NUMB: variants seen among roughly 807,000 people sequenced by gnomAD.
The protein encoded by NUMB is NUMB endocytic adaptor protein.
Under a neutral mutation model 59.7 loss-of-function variants are expected in NUMB, and 29 were observed. That is an observed-to-expected ratio of 0.49 (90% CI 0.36 to 0.66). NUMB has a LOEUF of 0.66. Ranked by LOEUF, NUMB falls within the 30% of genes least tolerant of loss-of-function variation. The pLI is 0.00. For missense variants in NUMB, 723 were observed against 822.0 expected (o/e 0.88, Z 1.47); for synonymous variants, 288 against 288.2 (o/e 1.00, Z 0.01).
At chr14:73,326,535 G>C (rs1891672151) in intron 4 of NUMB, among the ~76,000 whole-genome samples, 1 of 152,030 alleles carries the variant, frequency 6.6e-6, no homozygotes, top group South Asian at 2.1e-4. Flanking sequence ...GCTGAGGCAG[G>C]AGAATTGCTT....
chr14:73,386,864 CTTATTTTTTTTTTT>C (rs1458632468), intron 2 of NUMB, among the ~76,000 whole-genome samples: 9 of 73,818 alleles, frequency 1.2e-4, no homozygotes, highest in African/African-American at 4.4e-4. Context: ...TATCAGGTGT[CTTATTTTTTTTTTT>C]TTTTTTTTTT....
intron 2 of NUMB, among the ~76,000 whole-genome samples, chr14:73,378,209 C>G: frequency 6.6e-6 from 1 of 152,176 alleles, no homozygotes; most frequent in Admixed American, 6.5e-5. Flanking sequence ...GATACCATTA[C>G]ACACCCACTA....
chr14:73,350,461 C>T (rs1893184348), intron 4 of NUMB, among the ~76,000 whole-genome samples: 3 of 151,980 alleles, frequency 2.0e-5, no homozygotes, highest in Admixed American at 6.5e-5. Flanking sequence ...GCATGAGCCA[C>T]TGTGCCCAGC....
intron 4 of NUMB, among the ~76,000 whole-genome samples, chr14:73,335,758 T>C (rs561427194): frequency 1.4e-4 from 21 of 152,340 alleles, no homozygotes; most frequent in Admixed American, 1.2e-3. Flanking sequence ...AGAGACTCTA[T>C]AGTCAGCAGT....
chr14:73,399,116 GAATA>G (rs141403369), intron 2 of NUMB, among the ~76,000 whole-genome samples: 11,101 of 152,118 alleles, frequency 0.073, 523 homozygotes, highest in Admixed American at 0.13. Context: ...GATCAAAAAA[GAATA>G]AATAGATTCA....
At chr14:73,350,876 C>T in intron 4 of NUMB, among the ~76,000 whole-genome samples, 1 of 152,166 alleles carries the variant, frequency 6.6e-6, no homozygotes. Flanking sequence ...TTCTCTTCAT[C>T]TTCACAGTCA....
intron 1 of NUMB, among the ~76,000 whole-genome samples, chr14:73,452,882 T>C (rs1383905397): frequency 6.6e-6 from 1 of 152,152 alleles, no homozygotes; most frequent in African/African-American, 2.4e-5. Flanking sequence ...GGAAGAGTAA[T>C]AACAAGCAGC....
At chr14:73,395,045 G>GTGTT (rs1355082098) in intron 2 of NUMB, among the ~76,000 whole-genome samples, 1 of 107,422 alleles carries the variant, frequency 9.3e-6, no homozygotes, top group Non-Finnish European at 1.8e-5. Flanking sequence ...GTTTGTGTGT[G>GTGTT]TGTGTGTGTG....
In NUMB at chr14:73,323,155, T is replaced by A; in HGVS notation, c.176A>T (p.Glu59Val). The change falls in exon 5 of 13, where the codon GAA becomes GTA. Residue 59 changes from glutamate (E) to valine (V), a missense_variant. Around this residue, in one of 2 missense-constraint regions of NUMB, gnomAD observed 317 missense variants for 436.6 expected, o/e 0.73. Transcript: ENST00000555238. ...AGCTTTCAATCTTTTTACAGCATCT[T>A]CACAGATGTGCATTCCTCTTGATTC... is the stretch of plus-strand genomic sequence containing the variant. ...VDESRGMHICEDAVKRLKAER... is the reference protein window; with the variant it reads ...VDESRGMHICVDAVKRLKAER... 6.2e-7 allele frequency: 1 copy of A among 1,613,576 alleles called. No homozygotes were observed. Among genetic ancestry groups the A allele is most frequent in the Non-Finnish European group, 8.5e-7 (1 of 1,179,594 alleles).
At position 73,277,093 on chromosome 14, in the gene NUMB, G is replaced by A. The variant is rs1247245133; in HGVS notation, c.1441C>T (p.Pro481Ser). The change falls in exon 13 of 13, where the codon CCT (proline) becomes TCT (serine). Residue 481 changes from proline to serine, a missense_variant. Physicochemically the swap from Pro to Ser is moderately conservative, Grantham distance 74 (BLOSUM62 -1). Around this residue, in one of 2 missense-constraint regions of NUMB, gnomAD observed 406 missense variants for 385.4 expected, o/e 1.05. Transcript: ENST00000555238. ...GTGAGGAATGCATTCCCTTGGAAAG[G>A]TGATGCTGGCTGGGAGATGGCAGTG... ...PPTAISQPAS[P>S]FQGNAFLTSQ... 3.1e-6 allele frequency: 5 copies of A among 1,614,144 alleles called. No homozygotes were observed. Among genetic ancestry groups the A allele is most frequent in the Non-Finnish European group, 4.2e-6 (5 of 1,180,032 alleles).
chr14:73,337,368 G>A (rs1471074794), intron 4 of NUMB, among the ~76,000 whole-genome samples: 1 of 152,132 alleles, frequency 6.6e-6, no homozygotes, highest in Non-Finnish European at 1.5e-5. Context: ...GGGAGTGGTG[G>A]TGCATGCCTG....
At chr14:73,326,951 G>A (rs1891694015) in intron 4 of NUMB, among the ~76,000 whole-genome samples, 1 of 152,042 alleles carries the variant, frequency 6.6e-6, no homozygotes, top group East Asian at 1.9e-4. Flanking sequence ...GAAGAATATG[G>A]TTTACATTCA....
intron 4 of NUMB, among the ~76,000 whole-genome samples, chr14:73,349,173 G>A (rs1893066707): frequency 1.3e-5 from 2 of 152,182 alleles, no homozygotes; most frequent in African/African-American, 2.4e-5. Flanking sequence ...AGGCACTCTG[G>A]CTCATGCCTG....
chr14:73,292,971 T>G, intron 7 of NUMB, 97 bp from the exon 8 acceptor site: 1 of 1,220,738 alleles, frequency 8.2e-7, no homozygotes. Flanking sequence ...AATCCATACA[T>G]CTGATACAAC....
At chr14:73,367,680 CAGA>C (rs1894436719) in intron 2 of NUMB, among the ~76,000 whole-genome samples, 1 of 146,892 alleles carries the variant, frequency 6.8e-6, no homozygotes, top group African/African-American at 2.5e-5. Context: ...GAGGCTGAGA[CAGA>C]AGGATAGGTT....
At chr14:73,311,447 T>C (rs1304982215) in intron 6 of NUMB, among the ~76,000 whole-genome samples, 1 of 152,182 alleles carries the variant, frequency 6.6e-6, no homozygotes, top group Non-Finnish European at 1.5e-5. Flanking sequence ...TTACAATGGA[T>C]TACAGGCCTG....
At chr14:73,347,738 T>A (rs1285310555) in intron 4 of NUMB, among the ~76,000 whole-genome samples, 2 of 152,202 alleles carry the variant, frequency 1.3e-5, no homozygotes, top group East Asian at 3.9e-4. Flanking sequence ...CTTTGGCAAT[T>A]CACTCTCACT....
intron 1 of NUMB, among the ~76,000 whole-genome samples, chr14:73,445,707 A>C (rs909776495): frequency 3.3e-5 from 5 of 152,192 alleles, no homozygotes; most frequent in Admixed American, 2.6e-4. Context: ...TACATGGATT[A>C]TCTCATATAA....
chr14:73,411,235 G>A (rs564543332), intron 1 of NUMB, among the ~76,000 whole-genome samples: 39 of 133,870 alleles, frequency 2.9e-4, no homozygotes, highest in Admixed American at 7.4e-4. Flanking sequence ...GTGGGGGTGG[G>A]TACAGATGAG....
Sources: gnomAD v4.1 joint callset for allele counts (sites outside exome capture counted in the v4.1 genomes callset) on GRCh38, gnomAD v4.1.1 for gene constraint, gnomAD v4.1.1 regional missense constraint, MANE v1.5 for transcripts, NCBI Gene and HGNC (gene_info 2026-07-23, HGNC 2026-07-21) for gene names.